CIAO1: variants seen among roughly 807,000 people sequenced by gnomAD.
CIAO1 encodes cytosolic iron-sulfur assembly component 1.
Under a neutral mutation model 43.1 loss-of-function variants are expected in CIAO1, and 32 were observed. The ratio of observed to expected loss-of-function variants is 0.74; its 90% CI spans 0.56 to 1.00. CIAO1 has a LOEUF of 1.00. Ranked by LOEUF, CIAO1 falls within the 50% of genes least tolerant of loss-of-function variation. The pLI is 0.00. For synonymous variants in CIAO1, 183 were observed against 171.4 expected (o/e 1.07, Z -0.53); for missense variants, 415 against 437.4 (o/e 0.95, Z 0.46).
chr2:96,268,531 C>G lies in CIAO1; in HGVS notation c.564C>G (p.Ala188=). The G allele has an allele frequency of 1.2e-6, 2 of 1,614,192 alleles. No individual in the cohort carries two copies. Among genetic ancestry groups the G allele is most frequent in the Non-Finnish European group, 1.7e-6 (2 of 1,180,036 alleles). ...AAGAGGATGACTGGGTATGCTGTGC[C>G]ACCCTTGAGGGCCATGAATCCACTG... The part of the protein sequence containing the change: ...REEEDDWVCC[A]TLEGHESTVW... Residue 188 remains alanine (A), a synonymous_variant, in exon 5 of 7, where the codon GCC becomes GCG. Coordinates refer to ENST00000488633, the MANE Select transcript of CIAO1 (RefSeq NM_004804.3).
chr2:96,269,355 G>A lies in CIAO1; in HGVS notation c.779G>A (p.Trp260Ter). 2.5e-6 allele frequency: 4 copies of A among 1,613,512 alleles called. No individual in the cohort carries two copies. The highest frequency in any genetic ancestry group is 3.4e-6 in the Non-Finnish European group (4 of 1,179,464). The change falls in exon 6 of 7, where the codon TGG becomes TAG. Residue 260 changes from tryptophan (W) to a stop codon, truncating the protein, a stop_gained and splice_region_variant. Transcript: ENST00000488633. LOFTEE classifies it high-confidence loss of function. Reference sequence around the variant, plus strand: ...TCAAGGACCATTTATGACATTGCTTGGTAAGACTCCATCCCCCCACCCCAT... The same window carrying A: ...TCAAGGACCATTTATGACATTGCTTAGTAAGACTCCATCCCCCCACCCCAT... The part of the protein sequence containing the change: ...FHSRTIYDIA[W>*]CQLTGALATA...
rs1251719206 is a variant in CIAO1, at chr2:96,273,587, C to A, written c.*2236C>A. Among the ~76,000 whole-genome samples, 1 of 144,276 alleles carries A rather than the reference C, an allele frequency of 6.9e-6. No homozygotes were observed. The highest frequency in any genetic ancestry group is 1.5e-5 in the Non-Finnish European group (1 of 67,220). The allele number at this position is 144,276 out of a possible 152,430, so 94.7% of individuals were successfully genotyped here. A position where few individuals can be genotyped will look rare whatever the true frequency, so the allele number is the denominator to read the frequency against. ...CTGAGGCAGGAGAATAGCTTGAACC[C>A]GGGAGGTGGAGGTTGCAGTGAGTCG... On this transcript the variant is annotated 3_prime_UTR_variant, in exon 7 of 7. Coordinates refer to ENST00000488633, the MANE Select transcript of CIAO1 (RefSeq NM_004804.3).
chr2:96,269,597 G>A (rs976338193), intron 6 of CIAO1, among the ~76,000 whole-genome samples: 5 of 152,188 alleles, frequency 3.3e-5, no homozygotes, highest in Admixed American at 2.0e-4. Flanking sequence ...CGCACAGCTC[G>A]TGCTGTCCAG....
intron 1 of CIAO1, 104 bp downstream of exon 1, chr2:96,266,593 G>A (rs939082349): frequency 3.5e-5 from 42 of 1,208,426 alleles, no homozygotes; most frequent in Non-Finnish European, 4.0e-5. Context: ...CCTGGCGGAG[G>A]GAGAGTGGGA....
intron 4 of CIAO1, 34 bp from the exon 5 acceptor site, chr2:96,268,423 A>T: frequency 6.3e-7 from 1 of 1,592,650 alleles, no homozygotes; most frequent in South Asian, 1.1e-5. Flanking sequence ...GGCCACACAG[A>T]CACATGTTGG....
rs753166993 is a variant in CIAO1 at position 96,267,343 on chromosome 2, T to G, written c.162T>G (p.Ser54=). Residue 54 remains serine, a synonymous_variant, in exon 2 of 7, where the codon TCT becomes TCG. Coordinates refer to ENST00000488633, the MANE Select transcript of CIAO1 (RefSeq NM_004804.3). ...TAGGTGACAGCTGGATCTGCAAGTC[T>G]GTCCTTTCTGAAGGCCACCAGCGCA... ...GTEGDSWICK[S]VLSEGHQRTV... 2.2e-5 allele frequency: 35 copies of G among 1,613,602 alleles called. No homozygotes were observed. The highest frequency in any genetic ancestry group is 1.6e-4 in the Middle Eastern group (1 of 6,084).
intron 4 of CIAO1, 47 bp downstream of exon 4, chr2:96,267,971 G>A: frequency 6.8e-7 from 1 of 1,473,706 alleles, no homozygotes. Context: ...TGGTGTGCAG[G>A]CTTGTGCCCA....
rs1024961625 is a variant in CIAO1 at position 96,272,150 on chromosome 2, A to C, written c.*799A>C. 5 of 152,206 alleles carry C rather than the reference A, an allele frequency of 3.3e-5. No individual in the cohort carries two copies. The highest frequency in any genetic ancestry group is 1.3e-4 in the Admixed American group (2 of 15,286). The allele number at this position is 152,206 out of a possible 1,614,324, so 9.4% of individuals were successfully genotyped here. A position where few individuals can be genotyped will look rare whatever the true frequency, so the allele number is the denominator to read the frequency against. On this transcript the variant is annotated 3_prime_UTR_variant, in exon 7 of 7. Coordinates refer to ENST00000488633, the MANE Select transcript of CIAO1 (RefSeq NM_004804.3). ...TCATGGCAGGGAGTGATCAGGAAGA[A>C]GGCTTCCTAGGGGACTGGCGATTTA...
At chr2:96,266,564 A>G (rs570603573) in intron 1 of CIAO1, 75 bp downstream of exon 1, 4 of 1,296,268 alleles carry the variant, frequency 3.1e-6, no homozygotes, top group Non-Finnish European at 4.0e-6. Context: ...CTCAGCCTGC[A>G]GGGGAGGCTG....
chr2:96,274,160 G>T lies in CIAO1; in HGVS notation c.*2809G>T, dbSNP rs1323460828. ...GAAAAATAAATTTGTTATTTAAAAA[G>T]AAAAAAAAAAAAACAAAAACCTGAG... On this transcript the variant is annotated 3_prime_UTR_variant, in exon 7 of 7. Transcript: ENST00000488633. Among the ~76,000 whole-genome samples, 1 of 116,736 alleles carries T rather than the reference G, an allele frequency of 8.6e-6. No homozygotes were observed. The highest frequency in any genetic ancestry group is 3.1e-5 in the African/African-American group (1 of 32,018). 76.6% of individuals were successfully genotyped at this position (116,736 alleles called of 152,430 possible).
Position 96,267,396 on chromosome 2 carries a change from G to A in CIAO1, c.215G>A (p.Cys72Tyr). The part of the protein sequence containing the change: ...RTVRKVAWSP[C>Y]GNYLASASFD... ...GTGCGGAAGGTAGCCTGGTCCCCCT[G>A]CGGTAATTACCTGGCCTCTGCCAGC... Residue 72 changes from cysteine to tyrosine, a missense_variant, in exon 2 of 7, where the codon TGC becomes TAC. Coordinates refer to ENST00000488633, the MANE Select transcript of CIAO1 (RefSeq NM_004804.3). 1 of 1,614,180 alleles carries A rather than the reference G, an allele frequency of 6.2e-7. No homozygotes were observed. The highest frequency in any genetic ancestry group is 8.5e-7 in the Non-Finnish European group (1 of 1,180,026).
At chr2:96,268,312 A>C in intron 4 of CIAO1, 145 bp from the exon 5 acceptor site, 1 of 705,678 alleles carries the variant, frequency 1.4e-6, no homozygotes, top group Admixed American at 2.4e-5. Context: ...AGATCGTGCT[A>C]TTGCACTCCA....
intron 5 of CIAO1, 157 bp downstream of exon 5, chr2:96,268,815 G>C (rs1684486891): frequency 6.0e-6 from 4 of 668,948 alleles, no homozygotes; most frequent in Non-Finnish European, 1.0e-5. Flanking sequence ...AAGTTTTGTA[G>C]AATGGGTTGT....
At chr2:96,267,255 C>T in intron 1 of CIAO1, 66 bp from the exon 2 acceptor site, 4 of 1,528,768 alleles carry the variant, frequency 2.6e-6, no homozygotes, top group Non-Finnish European at 3.5e-6. Flanking sequence ...AGTGCTAGCC[C>T]CTGATATTGA....
At position 96,266,328 on chromosome 2, in the gene CIAO1, A is replaced by G. The variant is rs754904404; in HGVS notation, c.-23A>G. The G allele has an allele frequency of 7.3e-7, 1 of 1,378,282 alleles. No homozygotes were observed. Among genetic ancestry groups the G allele is most frequent in the South Asian group, 1.6e-5 (1 of 63,838 alleles). 85.4% of individuals were successfully genotyped at this position (1,378,282 alleles called of 1,614,324 possible). On this transcript the variant is annotated 5_prime_UTR_variant, in exon 1 of 7. Transcript: ENST00000488633. ...TGCTCAGCGGACTCTGCCCGCCCCC[A>G]CCTCCCCCTGCGTCGGGCCGACATG...
chr2:96,268,421 A>T, intron 4 of CIAO1, 36 bp from the exon 5 acceptor site: 2 of 1,588,290 alleles, frequency 1.3e-6, no homozygotes, highest in Non-Finnish European at 1.7e-6. Context: ...TGGGCCACAC[A>T]GACACATGTT....
intron 6 of CIAO1, among the ~76,000 whole-genome samples, chr2:96,270,503 G>GAAA (rs869064139): frequency 8.2e-6 from 1 of 121,894 alleles, no homozygotes; most frequent in Non-Finnish European, 1.7e-5. Context: ...TCCATCTAAA[G>GAAA]AAAAAAAAAA....
chr2:96,269,610 GTTA>G (rs1436941097), intron 6 of CIAO1, among the ~76,000 whole-genome samples: 4 of 152,144 alleles, frequency 2.6e-5, no homozygotes, highest in Admixed American at 1.3e-4. Flanking sequence ...CTGTCCAGAA[GTTA>G]TTATTGAATC....
At position 96,266,512 on chromosome 2, in the gene CIAO1, G is replaced by C. The variant is rs1009806135; in HGVS notation, c.139+23G>C. 5.5e-6 allele frequency: 8 copies of C among 1,457,428 alleles called. No individual in the cohort carries two copies. The African/African-American group carries it at 7.2e-5, about 13-fold the overall frequency. The allele number at this position is 1,457,428 out of a possible 1,614,324, so 90.3% of individuals were successfully genotyped here. Reference sequence around the variant, plus strand: ...AGGGTAAGGCCCAGCCTGGTTGCGCGGCCCTCAGCGCTGAGGGCTCAGCCT... The same window carrying C: ...AGGGTAAGGCCCAGCCTGGTTGCGCCGCCCTCAGCGCTGAGGGCTCAGCCT... On this transcript the variant is annotated intron_variant, in intron 1 of 6. Coordinates refer to ENST00000488633, the MANE Select transcript of CIAO1 (RefSeq NM_004804.3).
Sources: gnomAD v4.1 joint callset for allele counts (sites outside exome capture counted in the v4.1 genomes callset) on GRCh38, gnomAD v4.1.1 for gene constraint, MANE v1.5 for transcripts, NCBI Gene and HGNC (gene_info 2026-07-23, HGNC 2026-07-21) for gene names.